UBXN8: variants seen among roughly 807,000 people sequenced by gnomAD.
The protein encoded by UBXN8 is UBX domain protein 8.
Under a neutral mutation model 32.1 loss-of-function variants are expected in UBXN8, and 27 were observed. The observed-to-expected ratio is 0.84, with a 90% CI of 0.62 to 1.16. The LOEUF is 1.16. UBXN8 is among the 50% of genes most tolerant of loss of function. The pLI, the probability that UBXN8 is intolerant of heterozygous loss-of-function variation, is 0.00. For synonymous variants in UBXN8, 109 were observed against 111.8 expected (o/e 0.98, Z 0.16); for missense variants, 306 against 311.4 (o/e 0.98, Z 0.13).
intron 1 of UBXN8, among the ~76,000 whole-genome samples, chr8:30,736,864 CT>C (rs1805079317): frequency 1.3e-5 from 2 of 152,282 alleles, no homozygotes; most frequent in South Asian, 4.1e-4. Flanking sequence ...CACCTCTTAG[CT>C]TAAGAAATGT....
intron 5 of UBXN8, among the ~76,000 whole-genome samples, chr8:30,759,220 C>T (rs1318122620): frequency 2.0e-5 from 3 of 147,992 alleles, no homozygotes; most frequent in Non-Finnish European, 3.0e-5. Flanking sequence ...AGAAAATGGT[C>T]TAAATATCTG....
intron 1 of UBXN8, among the ~76,000 whole-genome samples, chr8:30,735,740 G>A (rs994915972): frequency 2.0e-5 from 3 of 152,232 alleles, no homozygotes; most frequent in African/African-American, 7.2e-5. Flanking sequence ...TCAGGAGGCT[G>A]AGGCAGGAGA....
At chr8:30,751,894 CTT>C (rs1335998614) in intron 2 of UBXN8, among the ~76,000 whole-genome samples, 13 of 137,218 alleles carry the variant, frequency 9.5e-5, no homozygotes, top group Non-Finnish European at 6.3e-5. Context: ...TACCATTAAA[CTT>C]TTTTTTTTTT....
intron 4 of UBXN8, 121 bp downstream of exon 4, chr8:30,754,908 C>T (rs1805612546): frequency 3.4e-6 from 4 of 1,176,364 alleles, no homozygotes; most frequent in South Asian, 3.4e-5. Flanking sequence ...TAATGATTAT[C>T]AGTTTTTGTT....
intron 4 of UBXN8, among the ~76,000 whole-genome samples, chr8:30,755,599 A>G (rs200113551): frequency 7.1e-6 from 1 of 141,400 alleles, no homozygotes. Context: ...CAAAAAAAAA[A>G]TTAAAAATTA....
intron 1 of UBXN8, 24 bp downstream of exon 1, chr8:30,744,301 A>T (rs1305112734): frequency 1.2e-6 from 2 of 1,604,846 alleles, no homozygotes; most frequent in Admixed American, 3.4e-5. Flanking sequence ...TTTCCCTTCG[A>T]CAGTCACAGC....
chr8:30,741,317 T>G (rs1586088539), upstream of UBXN8, among the ~76,000 whole-genome samples: 1 of 151,906 alleles, frequency 6.6e-6, no homozygotes, highest in Non-Finnish European at 1.5e-5. Flanking sequence ...CCCTGAGAGG[T>G]CAAGGCTACA....
At chr8:30,748,912 G>T (rs1445526579) in intron 1 of UBXN8, among the ~76,000 whole-genome samples, 2 of 152,126 alleles carry the variant, frequency 1.3e-5, no homozygotes, top group Admixed American at 6.6e-5. Flanking sequence ...GATCACGTTG[G>T]ATTCCTCTGT....
chr8:30,741,694 C>G (rs1321711592), upstream of UBXN8, among the ~76,000 whole-genome samples: 1 of 152,114 alleles, frequency 6.6e-6, no homozygotes, highest in African/African-American at 2.4e-5. Flanking sequence ...AGGTGATCCA[C>G]CCACCTCGGC....
At chr8:30,740,429 G>A (rs1300703236), upstream of UBXN8, among the ~76,000 whole-genome samples, 2 of 144,182 alleles carry the variant, frequency 1.4e-5, no homozygotes, top group Non-Finnish European at 3.0e-5. Context: ...CAGGCCAGGC[G>A]CGGTGGTTCA....
At chr8:30,744,091 T>C (rs1805284887), upstream of UBXN8, 2 of 1,065,440 alleles carry the variant, frequency 1.9e-6, no homozygotes, top group African/African-American at 3.2e-5. Context: ...TTATTGACCC[T>C]CTCCCAGCCG....
chr8:30,759,789 T>A (rs1247766624), intron 5 of UBXN8, among the ~76,000 whole-genome samples: 4 of 150,578 alleles, frequency 2.7e-5, no homozygotes, highest in Non-Finnish European at 5.9e-5. Context: ...ACCCTATCTC[T>A]ACTAAAAAAT....
intron 5 of UBXN8, among the ~76,000 whole-genome samples, chr8:30,759,328 T>C (rs1038824218): frequency 6.6e-6 from 1 of 151,946 alleles, no homozygotes; most frequent in Non-Finnish European, 1.5e-5. Context: ...CTCTGCCTCC[T>C]GGGTTCAAGA....
intron 2 of UBXN8, among the ~76,000 whole-genome samples, chr8:30,752,186 G>C (rs115045492): frequency 2.6e-5 from 4 of 152,110 alleles, no homozygotes; most frequent in Non-Finnish European, 4.4e-5. Flanking sequence ...CACCACACCC[G>C]GCCAATCTAC....
At chr8:30,759,812 C>T (rs1156752606) in intron 5 of UBXN8, among the ~76,000 whole-genome samples, 5 of 150,938 alleles carry the variant, frequency 3.3e-5, no homozygotes, top group South Asian at 4.2e-4. Context: ...AAAAAATTAG[C>T]GGGGCATGGT....
upstream of UBXN8, chr8:30,732,250 CTT>C (rs1804976484): frequency 2.5e-6 from 1 of 394,618 alleles, no homozygotes; most frequent in African/African-American, 2.1e-5. Flanking sequence ...CGTTGATGAC[CTT>C]TTGCTGGGAC....
At chr8:30,734,953 C>T (rs1419271506) in intron 1 of UBXN8, among the ~76,000 whole-genome samples, 2 of 152,070 alleles carry the variant, frequency 1.3e-5, no homozygotes, top group Non-Finnish European at 2.9e-5. Context: ...AAAAAAAACC[C>T]CACTGGACAA....
At chr8:30,751,673 G>C (rs1304775586) in intron 2 of UBXN8, among the ~76,000 whole-genome samples, 155 bp downstream of exon 2, 1 of 152,050 alleles carries the variant, frequency 6.6e-6, no homozygotes, top group Non-Finnish European at 1.5e-5. Context: ...TTTTGTGTTG[G>C]TTTTTAAACA....
At chr8:30,740,697 C>A (rs1394231932), upstream of UBXN8, among the ~76,000 whole-genome samples, 1 of 151,816 alleles carries the variant, frequency 6.6e-6, no homozygotes, top group Non-Finnish European at 1.5e-5. Flanking sequence ...TGCACTCCAG[C>A]CTGGGTGACA....
Sources: allele counts gnomAD v4.1 joint callset (sites outside exome capture counted in the v4.1 genomes callset), GRCh38; gene constraint gnomAD v4.1.1; transcripts MANE v1.5; gene names NCBI Gene and HGNC (gene_info 2026-07-23, HGNC 2026-07-21).